The following C8orf34 variants were observed in gnomAD, a reference collection of about 807,000 sequenced individuals.
C8orf34 encodes the protein uncharacterized protein C8orf34.
In C8orf34, 65 loss-of-function variants were observed where a neutral mutation model predicts 68.3. That is an observed-to-expected ratio of 0.95 (90% CI 0.78 to 1.17). The LOEUF (loss-of-function observed/expected upper bound fraction) is 1.17. C8orf34 is among the 50% of genes most tolerant of loss of function. The pLI is 0.00. For synonymous variants in C8orf34, 244 were observed against 241.2 expected, an observed-to-expected ratio of 1.01 and a Z score of -0.11; for missense variants, 664 against 655.4, an observed-to-expected ratio of 1.01 and a Z score of -0.14.
intron 1 of C8orf34, among the ~76,000 whole-genome samples, chr8:68,396,107 G>A (rs1808693672): frequency 6.6e-6 from 1 of 151,856 alleles, no homozygotes; most frequent in Admixed American, 6.6e-5. Context: ...AGCACTTCAA[G>A]CATATTTTGG....
intron 6 of C8orf34, among the ~76,000 whole-genome samples, chr8:68,530,330 A>T (rs969253080): frequency 6.6e-6 from 1 of 152,108 alleles, no homozygotes; most frequent in African/African-American, 2.4e-5. Context: ...TAAATAAACT[A>T]TGTTCAATTG....
chr8:68,448,363 G>C (rs1811207450), intron 3 of C8orf34, among the ~76,000 whole-genome samples: 1 of 151,916 alleles, frequency 6.6e-6, no homozygotes, highest in Non-Finnish European at 1.5e-5. Flanking sequence ...TTAAAAAATA[G>C]CATATGTAGA....
At chr8:68,406,833 AG>A (rs1563412102) in intron 1 of C8orf34, among the ~76,000 whole-genome samples, 1 of 152,150 alleles carries the variant, frequency 6.6e-6, no homozygotes, top group East Asian at 1.9e-4. Context: ...TTCCCCCAAC[AG>A]ATCCTAAATG....
At chr8:68,528,199 T>C (rs1226224829) in intron 6 of C8orf34, among the ~76,000 whole-genome samples, 2 of 152,182 alleles carry the variant, frequency 1.3e-5, no homozygotes, top group East Asian at 3.9e-4. Context: ...TCACTTTCTT[T>C]ACCTACTCTT....
chr8:68,600,997 T>C (rs1184961622), intron 7 of C8orf34, among the ~76,000 whole-genome samples: 2 of 152,168 alleles, frequency 1.3e-5, no homozygotes, highest in African/African-American at 2.4e-5. Flanking sequence ...CTCCCACATA[T>C]AAGTGAAAAC....
At chr8:68,726,027 G>A (rs1484261945) in intron 10 of C8orf34, among the ~76,000 whole-genome samples, 1 of 152,046 alleles carries the variant, frequency 6.6e-6, no homozygotes. Context: ...TCATGGCTCT[G>A]GCTCCCTAGT....
At chr8:68,434,475 A>G (rs528217437) in intron 1 of C8orf34, among the ~76,000 whole-genome samples, 15 of 152,334 alleles carry the variant, frequency 9.8e-5, no homozygotes, top group Non-Finnish European at 1.8e-4. Context: ...TGCAAAGGAC[A>G]TGAACTCATA....
intron 1 of C8orf34, among the ~76,000 whole-genome samples, chr8:68,341,627 C>T (rs1806074539): frequency 6.6e-6 from 1 of 152,012 alleles, no homozygotes; most frequent in South Asian, 2.1e-4. Flanking sequence ...GCTGGCCTCA[C>T]GATAGGAGTG....
At chr8:68,731,093 A>G (rs546593413) in intron 10 of C8orf34, among the ~76,000 whole-genome samples, 1 of 152,244 alleles carries the variant, frequency 6.6e-6, no homozygotes, top group South Asian at 2.1e-4. Context: ...GTGTGCTGGG[A>G]AACACATTAA....
At chr8:68,638,242 T>C (rs1818903705) in intron 7 of C8orf34, among the ~76,000 whole-genome samples, 1 of 152,212 alleles carries the variant, frequency 6.6e-6, no homozygotes, top group African/African-American at 2.4e-5. Context: ...GGAATTTAAT[T>C]AGTATTCATT....
At chr8:68,568,877 C>T (rs1315127104) in intron 7 of C8orf34, among the ~76,000 whole-genome samples, 4 of 151,694 alleles carry the variant, frequency 2.6e-5, no homozygotes, top group African/African-American at 4.9e-5. Flanking sequence ...TGGGCCATAC[C>T]GTCTCTCTTG....
chr8:68,647,396 A>G (rs931226902), intron 8 of C8orf34, among the ~76,000 whole-genome samples: 1 of 152,218 alleles, frequency 6.6e-6, no homozygotes, highest in Non-Finnish European at 1.5e-5. Flanking sequence ...GTTTCTGTAG[A>G]AAAGTCAAAA....
intron 7 of C8orf34, among the ~76,000 whole-genome samples, chr8:68,616,653 G>T (rs1161874193): frequency 6.6e-6 from 1 of 152,148 alleles, no homozygotes; most frequent in Non-Finnish European, 1.5e-5. Flanking sequence ...TGGTCTGAGA[G>T]ACAGTTTGTT....
chr8:68,635,541 T>A (rs1818813984), intron 7 of C8orf34, among the ~76,000 whole-genome samples: 1 of 152,206 alleles, frequency 6.6e-6, no homozygotes, highest in African/African-American at 2.4e-5. Context: ...TTCTTTTACA[T>A]AATCAACATA....
chr8:68,567,221 T>C (rs1483194789), intron 7 of C8orf34, among the ~76,000 whole-genome samples: 1 of 152,208 alleles, frequency 6.6e-6, no homozygotes, highest in Non-Finnish European at 1.5e-5. Flanking sequence ...CTTCTTTGAA[T>C]GTCTTGTACA....
intron 7 of C8orf34, among the ~76,000 whole-genome samples, chr8:68,576,781 C>T (rs1816917543): frequency 2.0e-5 from 3 of 151,638 alleles, no homozygotes; most frequent in African/African-American, 7.3e-5. Flanking sequence ...ATATATATAA[C>T]CATAACTTTT....
intron 7 of C8orf34, among the ~76,000 whole-genome samples, chr8:68,577,508 A>G (rs547546140): frequency 6.6e-6 from 1 of 152,086 alleles, no homozygotes; most frequent in Non-Finnish European, 1.5e-5. Context: ...ATTACATGTT[A>G]CAGTAGGATA....
chr8:68,568,532 A>T (rs1452737480), intron 7 of C8orf34, among the ~76,000 whole-genome samples: 1 of 152,034 alleles, frequency 6.6e-6, no homozygotes, highest in Non-Finnish European at 1.5e-5. Flanking sequence ...GACTTGCTGG[A>T]TGCAGGGCTG....
intron 4 of C8orf34, among the ~76,000 whole-genome samples, chr8:68,483,435 C>T (rs1056503534): frequency 2.6e-5 from 4 of 152,110 alleles, no homozygotes; most frequent in Admixed American, 6.6e-5. Flanking sequence ...TGACTCCCTG[C>T]ACCGTTATCT....
Sources: allele counts gnomAD v4.1 joint callset (sites outside exome capture counted in the v4.1 genomes callset), GRCh38; gene constraint gnomAD v4.1.1; transcripts MANE v1.5; gene names NCBI Gene and HGNC (gene_info 2026-07-23, HGNC 2026-07-21).